Variants in NRXN3 observed in about 807,000 individuals in gnomAD.
NRXN3 encodes neurexin 3, also known as neurexin III.
A neutral mutation model predicts 137.6 loss-of-function variants in NRXN3; 32 were observed. The ratio of observed to expected loss-of-function variants is 0.23; its 90% CI spans 0.18 to 0.31. The LOEUF (loss-of-function observed/expected upper bound fraction) is 0.31, where lower values mean the gene tolerates loss of function less well. Ranked by LOEUF, NRXN3 falls within the 10% of genes least tolerant of loss-of-function variation. The pLI is 1.00. For missense variants in NRXN3, 1,574 were observed against 2,062.5 expected (o/e 0.76, Z 4.59); for synonymous variants, 798 against 784.5 (o/e 1.02, Z -0.29).
intron 4 of NRXN3, among the ~76,000 whole-genome samples, chr14:78,505,224 C>G (rs2095964235): frequency 6.6e-6 from 1 of 152,052 alleles, no homozygotes; most frequent in Admixed American, 6.6e-5. Context: ...AGAGAGAATA[C>G]AGCAAGAAAC....
At chr14:78,498,013 C>A (rs533212212) in intron 4 of NRXN3, among the ~76,000 whole-genome samples, 2 of 152,308 alleles carry the variant, frequency 1.3e-5, no homozygotes, top group Non-Finnish European at 2.9e-5. Context: ...GTTCATCCAG[C>A]AGCCTATCAA....
chr14:78,304,485 G>A (rs1251285754), intron 4 of NRXN3, among the ~76,000 whole-genome samples: 4 of 152,306 alleles, frequency 2.6e-5, no homozygotes, highest in Non-Finnish European at 5.9e-5. Context: ...CCAGAAACAA[G>A]CGTGAACTTA....
intron 15 of NRXN3, among the ~76,000 whole-genome samples, chr14:79,129,272 G>T (rs1342177568): frequency 6.8e-6 from 1 of 147,112 alleles, no homozygotes; most frequent in Non-Finnish European, 1.5e-5. Flanking sequence ...GTGATGTTAG[G>T]GTGTCAATTT....
intron 20 of NRXN3, among the ~76,000 whole-genome samples, chr14:79,836,002 A>G (rs1187094128): frequency 2.6e-5 from 4 of 152,182 alleles, no homozygotes; most frequent in Non-Finnish European, 5.9e-5. Flanking sequence ...TGTAATCTAC[A>G]TAGTAAGTTT....
chr14:78,811,037 A>G lies in NRXN3; in HGVS notation c.2275+693A>G, dbSNP rs373592284. Reference sequence around the variant, plus strand: ...TAGAAGTAAACATTAGCTTGAGTCAACATGTAGAAGGGGAATATGAAGATA... The same window carrying G: ...TAGAAGTAAACATTAGCTTGAGTCAGCATGTAGAAGGGGAATATGAAGATA... On this transcript the variant is annotated intron_variant, in intron 10 of 20. Coordinates refer to ENST00000335750, the MANE Select transcript of NRXN3 (RefSeq NM_001330195.2). 2.0e-4 allele frequency among the ~76,000 whole-genome samples: 30 copies of G among 152,340 alleles called. No individual in the cohort carries two copies. The East Asian group carries it at 5.0e-3, about 25-fold the overall frequency.
chr14:79,831,811 T>C (rs931309318), intron 20 of NRXN3, among the ~76,000 whole-genome samples: 1 of 152,158 alleles, frequency 6.6e-6, no homozygotes, highest in Admixed American at 6.6e-5. Context: ...AGTTTTGCAG[T>C]TCAGAACTTG....
chr14:78,556,658 A>G (rs2096739463), intron 4 of NRXN3, among the ~76,000 whole-genome samples: 2 of 152,144 alleles, frequency 1.3e-5, no homozygotes, highest in African/African-American at 2.4e-5. Context: ...ATTCTTTGCT[A>G]TGGGAGTGTG....
intron 15 of NRXN3, among the ~76,000 whole-genome samples, chr14:79,071,387 C>T (rs2152712348): frequency 6.6e-6 from 1 of 152,242 alleles, no homozygotes; most frequent in East Asian, 1.9e-4. Context: ...TCTGCTAGCC[C>T]CCCACTACCC....
intron 15 of NRXN3, among the ~76,000 whole-genome samples, chr14:79,453,645 C>T (rs1304437821): frequency 6.6e-6 from 1 of 152,162 alleles, no homozygotes; most frequent in East Asian, 1.9e-4. Flanking sequence ...TGTTTATGGT[C>T]ATGGAGTTCT....
At chr14:79,217,612 G>T (rs2068769559) in intron 15 of NRXN3, among the ~76,000 whole-genome samples, 1 of 152,122 alleles carries the variant, frequency 6.6e-6, no homozygotes, top group African/African-American at 2.4e-5. Flanking sequence ...TAATATCTAG[G>T]CAGGTTAGCA....
intron 15 of NRXN3, among the ~76,000 whole-genome samples, chr14:79,403,732 G>A (rs1483958490): frequency 6.6e-6 from 1 of 152,104 alleles, no homozygotes; most frequent in Non-Finnish European, 1.5e-5. Context: ...GCATGTGAGT[G>A]ATGGTGAGGG....
chr14:78,918,285 C>G (rs1357924831), intron 10 of NRXN3, among the ~76,000 whole-genome samples: 1 of 34,668 alleles, frequency 2.9e-5, no homozygotes, highest in African/African-American at 1.3e-4. Flanking sequence ...AACTCCATCT[C>G]AAAAAAAAAA....
intron 6 of NRXN3, among the ~76,000 whole-genome samples, chr14:78,668,570 C>T (rs1173374383): frequency 6.6e-6 from 1 of 152,078 alleles, no homozygotes; most frequent in Non-Finnish European, 1.5e-5. Context: ...GGGCAGAGGC[C>T]AAGATTGTTG....
rs533169263 is a variant in NRXN3 at position 79,588,810 on chromosome 14, G to A, written c.3445-74968G>A. Among the ~76,000 whole-genome samples the A allele has an allele frequency of 4.9e-4, 75 of 152,284 alleles. 1 individual carries two copies. The South Asian group carries it at 0.014, about 29-fold the overall frequency. On this transcript the variant is annotated intron_variant, in intron 16 of 20. Coordinates refer to ENST00000335750, the MANE Select transcript of NRXN3 (RefSeq NM_001330195.2). ...TTTAATTTTTGTGGATACACAGTAGGTGTAAATATTTGTGGGGTACATGAG... is the reference window on the plus strand; with the variant it reads ...TTTAATTTTTGTGGATACACAGTAGATGTAAATATTTGTGGGGTACATGAG...
At chr14:79,041,961 A>G (rs1156256808) in intron 15 of NRXN3, among the ~76,000 whole-genome samples, 1 of 152,198 alleles carries the variant, frequency 6.6e-6, no homozygotes, top group Non-Finnish European at 1.5e-5. Context: ...AACTAAAAAA[A>G]TGTGAGAGAT....
At chr14:79,207,501 A>C (rs1469533185) in intron 15 of NRXN3, among the ~76,000 whole-genome samples, 2 of 152,222 alleles carry the variant, frequency 1.3e-5, no homozygotes, top group Non-Finnish European at 2.9e-5. Context: ...TGGTGCAAGG[A>C]AAGGGAATTT....
intron 4 of NRXN3, among the ~76,000 whole-genome samples, chr14:78,438,185 C>T (rs1390322553): frequency 6.6e-6 from 1 of 152,146 alleles, no homozygotes. Flanking sequence ...GTTTCTATGA[C>T]ACCTGAGTGG....
intron 6 of NRXN3, among the ~76,000 whole-genome samples, chr14:78,680,103 A>G (rs1602331467): frequency 6.6e-6 from 1 of 152,140 alleles, no homozygotes; most frequent in Admixed American, 6.6e-5. Context: ...ACTGGAGGCC[A>G]TTATCCTTAC....
intron 8 of NRXN3, among the ~76,000 whole-genome samples, chr14:78,726,972 A>AAAAAC (rs1256228022): frequency 1.3e-5 from 2 of 151,814 alleles, no homozygotes; most frequent in Non-Finnish European, 1.5e-5. Context: ...AAAAAAAAAA[A>AAAAAC]AAAAAACCTT....
Sources: gnomAD v4.1 joint callset for allele counts (sites outside exome capture counted in the v4.1 genomes callset) on GRCh38, gnomAD v4.1.1 for gene constraint, MANE v1.5 for transcripts, NCBI Gene and HGNC (gene_info 2026-07-23, HGNC 2026-07-21) for gene names.